Variants in ALK observed in about 807,000 individuals in gnomAD.
The protein encoded by ALK is ALK receptor tyrosine kinase.
In ALK, 74 loss-of-function variants were observed where a neutral mutation model predicts 163.1. The observed-to-expected ratio is 0.45, with a 90% CI of 0.38 to 0.55. ALK has a LOEUF of 0.55. ALK is among the 20% of genes least tolerant of loss of function. The pLI is 0.00. For synonymous variants in ALK, 960 were observed against 843.2 expected (o/e 1.14, Z -2.40); for missense variants, 2,063 against 2,105.3 (o/e 0.98, Z 0.39).
intron 9 of ALK, among the ~76,000 whole-genome samples, chr2:29,296,351 C>T (rs1196107305): frequency 6.6e-6 from 1 of 152,212 alleles, no homozygotes; most frequent in African/African-American, 2.4e-5. Context: ...GGAGTCGGGC[C>T]TGGGCACCAG....
intron 3 of ALK, among the ~76,000 whole-genome samples, chr2:29,683,318 A>G (rs1039803430): frequency 2.0e-5 from 3 of 152,156 alleles, no homozygotes; most frequent in Non-Finnish European, 2.9e-5. Flanking sequence ...CAGAGGTTAC[A>G]GTGAGCTGAG....
chr2:29,653,070 T>C (rs1161730207), intron 3 of ALK, among the ~76,000 whole-genome samples: 3 of 152,054 alleles, frequency 2.0e-5, no homozygotes, highest in Non-Finnish European at 4.4e-5. Context: ...CCTCAACCAG[T>C]GGAGTCTGAC....
At chr2:29,919,841 T>C in intron 1 of ALK, 152 bp downstream of exon 1, 1 of 975,318 alleles carries the variant, frequency 1.0e-6, no homozygotes, top group Non-Finnish European at 1.5e-6. Context: ...AACTACGGTC[T>C]GATTCGGGAA....
At chr2:29,715,789 G>A (rs1436546014) in intron 2 of ALK, among the ~76,000 whole-genome samples, 1 of 152,200 alleles carries the variant, frequency 6.6e-6, no homozygotes, top group Non-Finnish European at 1.5e-5. Context: ...ATTATTTATA[G>A]ATACTTGCCC....
intron 25 of ALK, among the ~76,000 whole-genome samples, chr2:29,209,018 C>T (rs1669390974): frequency 6.6e-6 from 1 of 152,316 alleles, no homozygotes; most frequent in East Asian, 1.9e-4. Context: ...TCCACATCTC[C>T]TGGGGTGGCT....
intron 3 of ALK, among the ~76,000 whole-genome samples, chr2:29,618,869 C>T (rs1398833521): frequency 3.9e-5 from 6 of 152,072 alleles, no homozygotes; most frequent in African/African-American, 1.4e-4. Context: ...ATCCCAGCTA[C>T]TTGGGAGGCT....
At chr2:29,328,114 A>G (rs1667327694) in intron 6 of ALK, among the ~76,000 whole-genome samples, 1 of 152,200 alleles carries the variant, frequency 6.6e-6, no homozygotes, top group African/African-American at 2.4e-5. Flanking sequence ...TGCTGATAGC[A>G]TCACTTACAA....
chr2:29,647,122 G>A (rs896326530), intron 3 of ALK, among the ~76,000 whole-genome samples: 3 of 152,112 alleles, frequency 2.0e-5, no homozygotes, highest in Non-Finnish European at 4.4e-5. Context: ...TTCTGGGCTT[G>A]GCAAAATCAG....
chr2:29,635,974 A>G (rs923315794), intron 3 of ALK, among the ~76,000 whole-genome samples: 9 of 152,154 alleles, frequency 5.9e-5, no homozygotes, highest in South Asian at 2.1e-4. Flanking sequence ...GTCATTTGTT[A>G]CAGCGGCCAC....
intron 3 of ALK, among the ~76,000 whole-genome samples, chr2:29,644,150 A>C (rs1573523232): frequency 6.6e-6 from 1 of 151,458 alleles, no homozygotes; most frequent in Non-Finnish European, 1.5e-5. Context: ...TCGCAAGGAC[A>C]AAAAACCAAA....
intron 3 of ALK, among the ~76,000 whole-genome samples, chr2:29,681,952 T>A (rs1364046238): frequency 6.6e-6 from 1 of 152,194 alleles, no homozygotes; most frequent in Non-Finnish European, 1.5e-5. Flanking sequence ...ACCTCTCTTA[T>A]CAATTTAGGC....
At chr2:29,559,899 C>A (rs1231166579) in intron 3 of ALK, among the ~76,000 whole-genome samples, 1 of 151,804 alleles carries the variant, frequency 6.6e-6, no homozygotes, top group Non-Finnish European at 1.5e-5. Context: ...GACCTCAGCC[C>A]CACATGGCTA....
In ALK at chr2:29,621,056, G is replaced by A. The variant is rs540038712; in HGVS notation, c.952+73794C>T. Among the ~76,000 whole-genome samples, 7 of 152,296 alleles carry A rather than the reference G, an allele frequency of 4.6e-5. No individual in the cohort carries two copies. In the South Asian group the frequency reaches 1.5e-3, roughly 32 times the overall value. ...CATCTCAGGTGGCTTTGAAATAGGG[G>A]TTGGAAATGAGGCTTTGGCTGCCAT... is the stretch of plus-strand genomic sequence containing the variant. On this transcript the variant is annotated intron_variant, in intron 3 of 28. Coordinates refer to ENST00000389048, the MANE Select transcript of ALK (RefSeq NM_004304.5).
chr2:29,381,511 C>T (rs1031540087), intron 5 of ALK, among the ~76,000 whole-genome samples: 28 of 152,208 alleles, frequency 1.8e-4, no homozygotes, highest in Admixed American at 2.6e-4. Context: ...TAAAATGGCA[C>T]GTCTCTGCTG....
intron 4 of ALK, among the ~76,000 whole-genome samples, chr2:29,427,413 G>A (rs1364630502): frequency 6.6e-6 from 1 of 152,048 alleles, no homozygotes; most frequent in Admixed American, 6.5e-5. Context: ...ATTAAAAAGT[G>A]GAGGGGAATA....
At chr2:29,856,859 G>A (rs765562818) in intron 1 of ALK, among the ~76,000 whole-genome samples, 2 of 152,314 alleles carry the variant, frequency 1.3e-5, no homozygotes, top group African/African-American at 2.4e-5. Context: ...TAGACAGGGC[G>A]CTGAATTGGA....
At chr2:29,743,854 A>T (rs1680130550) in intron 1 of ALK, among the ~76,000 whole-genome samples, 1 of 152,084 alleles carries the variant, frequency 6.6e-6, no homozygotes, top group Admixed American at 6.6e-5. Flanking sequence ...ATTGCTAGAC[A>T]ATTGGATCAG....
At chr2:29,598,408 A>T (rs1419291023) in intron 3 of ALK, among the ~76,000 whole-genome samples, 1 of 151,868 alleles carries the variant, frequency 6.6e-6, no homozygotes, top group Non-Finnish European at 1.5e-5. Flanking sequence ...GACATGGACT[A>T]GTGTAACAGA....
At chr2:29,265,031 C>CT (rs35220009) in intron 11 of ALK, among the ~76,000 whole-genome samples, 1 of 151,628 alleles carries the variant, frequency 6.6e-6, no homozygotes, top group Admixed American at 6.6e-5. Context: ...GTTGTTGTTT[C>CT]TTTTTTGAGA....
Sources: allele counts gnomAD v4.1 joint callset (sites outside exome capture counted in the v4.1 genomes callset), GRCh38; gene constraint gnomAD v4.1.1; transcripts MANE v1.5; gene names NCBI Gene and HGNC (gene_info 2026-07-23, HGNC 2026-07-21).